SCAI: variants seen among roughly 807,000 people sequenced by gnomAD.
SCAI encodes suppressor of cancer cell invasion, also known as protein SCAI.
A neutral mutation model predicts 92.2 loss-of-function variants in SCAI; 24 were observed. That is an observed-to-expected ratio of 0.26 (90% CI 0.19 to 0.37). The LOEUF (loss-of-function observed/expected upper bound fraction) is 0.37, where lower values mean the gene tolerates loss of function less well. Among genes scored for constraint, SCAI ranks in the 10% least tolerant of loss-of-function variants. The pLI, the probability that SCAI is intolerant of heterozygous loss-of-function variation, is 1.00. For missense variants in SCAI, 450 were observed against 736.2 expected, an observed-to-expected ratio of 0.61 and a Z score of 4.50; for synonymous variants, 261 against 258.6, an observed-to-expected ratio of 1.01 and a Z score of -0.09.
At chr9:125,060,669 A>G (rs1053407033) in intron 2 of SCAI, among the ~76,000 whole-genome samples, 1 of 152,146 alleles carries the variant, frequency 6.6e-6, no homozygotes, top group African/African-American at 2.4e-5. Flanking sequence ...TGGTTTTATC[A>G]GGGGTGTCCG....
At chr9:125,018,091 T>G (rs532236961) in intron 9 of SCAI, among the ~76,000 whole-genome samples, 35 of 152,012 alleles carry the variant, frequency 2.3e-4, no homozygotes, top group South Asian at 1.7e-3. Flanking sequence ...TTTTGGAAAC[T>G]TTATTATTAT....
At chr9:125,060,518 G>A (rs1163491715) in intron 2 of SCAI, among the ~76,000 whole-genome samples, 1 of 152,062 alleles carries the variant, frequency 6.6e-6, no homozygotes, top group Non-Finnish European at 1.5e-5. Context: ...GATATGGTTT[G>A]GCCCACCCAA....
rs563646896 is a variant in SCAI, at chr9:125,035,997, T to C, written c.231-6258A>G. ...ACTTCTCTAATAAACTTGTTTTTAC[T>C]TTAAAAAGAAATTAGCCAGGGGCAT... On this transcript the variant is annotated intron_variant, in intron 3 of 17. Coordinates refer to ENST00000336505, the MANE Select transcript of SCAI (RefSeq NM_001144877.3). 2.6e-5 allele frequency among the ~76,000 whole-genome samples: 4 copies of C among 152,304 alleles called. No individual in the cohort carries two copies. In the South Asian group the frequency reaches 8.3e-4, roughly 32 times the overall value.
At chr9:125,122,956 A>G (rs972656106) in intron 2 of SCAI, among the ~76,000 whole-genome samples, 2 of 152,184 alleles carry the variant, frequency 1.3e-5, no homozygotes, top group Admixed American at 1.3e-4. Flanking sequence ...GGACATATAG[A>G]TGCATATTCC....
intron 2 of SCAI, among the ~76,000 whole-genome samples, chr9:125,076,019 C>T (rs546742894): frequency 1.3e-5 from 2 of 152,126 alleles, no homozygotes; most frequent in African/African-American, 4.8e-5. Context: ...CCTTGTTGAT[C>T]GATCATATAC....
chr9:125,121,899 C>T (rs1835164255), intron 2 of SCAI, among the ~76,000 whole-genome samples: 1 of 152,104 alleles, frequency 6.6e-6, no homozygotes. Context: ...ATGCTATGAA[C>T]ATCTATATGA....
intron 13 of SCAI, among the ~76,000 whole-genome samples, chr9:124,996,093 T>C (rs1209265407): frequency 6.6e-6 from 1 of 152,052 alleles, no homozygotes; most frequent in African/African-American, 2.4e-5. Flanking sequence ...AAAAATTGTA[T>C]ATATTCAAGG....
intron 2 of SCAI, among the ~76,000 whole-genome samples, chr9:125,096,065 A>C (rs912562764): frequency 1.3e-5 from 2 of 152,208 alleles, no homozygotes; most frequent in African/African-American, 4.8e-5. Context: ...CACTTCCTGG[A>C]CATTTATACA....
chr9:125,013,987 T>C lies in SCAI; in HGVS notation c.861+4812A>G, dbSNP rs201146609. Among the ~76,000 whole-genome samples the C allele has an allele frequency of 2.6e-4, 39 of 152,098 alleles. No homozygotes were observed. The East Asian group carries it at 6.0e-3, about 23-fold the overall frequency. On this transcript the variant is annotated intron_variant, in intron 9 of 17. Transcript: ENST00000336505. ...TTTGACAAAATTCAACAACGCTTCATGCTAAAAACTCTCAATAAATTAGGT... is the reference window on the plus strand; with the variant it reads ...TTTGACAAAATTCAACAACGCTTCACGCTAAAAACTCTCAATAAATTAGGT...
chr9:125,031,334 T>C (rs946464257), intron 3 of SCAI, among the ~76,000 whole-genome samples: 1 of 151,980 alleles, frequency 6.6e-6, no homozygotes, highest in African/African-American at 2.4e-5. Flanking sequence ...TGATCTTGGC[T>C]CACTGCAAGC....
intron 14 of SCAI, 23 bp downstream of exon 14, chr9:124,994,911 G>A: frequency 6.4e-7 from 1 of 1,555,046 alleles, no homozygotes; most frequent in Non-Finnish European, 8.9e-7. Context: ...GTCTACCTGT[G>A]CAATAGCTCT....
At chr9:124,961,331 C>A (rs1038575896) in intron 17 of SCAI, among the ~76,000 whole-genome samples, 1 of 151,052 alleles carries the variant, frequency 6.6e-6, no homozygotes, top group African/African-American at 2.4e-5. Context: ...GGGTGACGTC[C>A]GCAATTTACT....
chr9:124,973,894 A>G (rs1831706845), intron 15 of SCAI, among the ~76,000 whole-genome samples: 1 of 152,198 alleles, frequency 6.6e-6, no homozygotes, highest in African/African-American at 2.4e-5. Context: ...GCCACAGCAC[A>G]TGCAAATTCT....
At chr9:125,062,030 T>C (rs887124570) in intron 2 of SCAI, among the ~76,000 whole-genome samples, 2 of 152,090 alleles carry the variant, frequency 1.3e-5, no homozygotes, top group Admixed American at 1.3e-4. Context: ...GGGGAATAAA[T>C]GGAGTTAAAG....
intron 15 of SCAI, among the ~76,000 whole-genome samples, chr9:124,973,579 TCCC>T (rs1346645563): frequency 6.6e-6 from 1 of 152,150 alleles, no homozygotes; most frequent in East Asian, 1.9e-4. Context: ...ACGCCTGTAA[TCCC>T]AGCACTTTTG....
intron 14 of SCAI, among the ~76,000 whole-genome samples, chr9:124,983,306 G>GA (rs1831924647): frequency 1.3e-5 from 2 of 151,998 alleles, no homozygotes; most frequent in African/African-American, 2.4e-5. Flanking sequence ...AAACAAAACA[G>GA]AAAAAACTCT....
intron 2 of SCAI, among the ~76,000 whole-genome samples, chr9:125,118,635 C>T (rs1478333792): frequency 6.6e-6 from 1 of 152,112 alleles, no homozygotes; most frequent in Non-Finnish European, 1.5e-5. Flanking sequence ...CACCTATCAA[C>T]CCGTCATTTA....
intron 13 of SCAI, among the ~76,000 whole-genome samples, chr9:124,997,191 G>A (rs1021065021): frequency 1.3e-5 from 2 of 152,110 alleles, no homozygotes; most frequent in African/African-American, 2.4e-5. Context: ...GAGCCAACAC[G>A]ATGCCACAAG....
intron 2 of SCAI, among the ~76,000 whole-genome samples, chr9:125,136,657 C>T (rs1281711507): frequency 6.6e-6 from 1 of 151,352 alleles, no homozygotes; most frequent in African/African-American, 2.4e-5. Context: ...GACGGGGTTT[C>T]GCTACATTGG....
Sources: allele counts gnomAD v4.1 joint callset (sites outside exome capture counted in the v4.1 genomes callset), GRCh38; gene constraint gnomAD v4.1.1; transcripts MANE v1.5; gene names NCBI Gene and HGNC (gene_info 2026-07-23, HGNC 2026-07-21).